The following BBX variants were observed in gnomAD, a reference collection of about 807,000 sequenced individuals.
BBX encodes the protein BBX high mobility group box domain containing.
Under a neutral mutation model 100.2 loss-of-function variants are expected in BBX, and 30 were observed. The ratio of observed to expected loss-of-function variants is 0.30; its 90% confidence interval spans 0.22 to 0.41. The LOEUF is 0.41. Among genes scored for constraint, BBX ranks in the 10% least tolerant of loss-of-function variants. BBX has a pLI of 1.00. For missense variants in BBX, 1,023 were observed against 1,129.8 expected, an observed-to-expected ratio of 0.91 and a Z score of 1.35; for synonymous variants, 376 against 388.1, an observed-to-expected ratio of 0.97 and a Z score of 0.37.
chr3:107,781,664 A>G (rs1221581115), intron 13 of BBX, among the ~76,000 whole-genome samples: 1 of 152,092 alleles, frequency 6.6e-6, no homozygotes, highest in Non-Finnish European at 1.5e-5. Context: ...GTAGAATAGT[A>G]ATTTTTCAGT....
At chr3:107,616,882 T>C (rs1489450092) in intron 2 of BBX, among the ~76,000 whole-genome samples, 1 of 152,186 alleles carries the variant, frequency 6.6e-6, no homozygotes, top group African/African-American at 2.4e-5. Context: ...GAAAAGCAAA[T>C]GTTTCAAATT....
chr3:107,626,371 T>C (rs977202947), intron 2 of BBX, among the ~76,000 whole-genome samples: 45 of 152,378 alleles, frequency 3.0e-4, no homozygotes, highest in African/African-American at 1.0e-3. Context: ...TCTGTATTAG[T>C]TATCTGTTGA....
At chr3:107,643,037 T>C (rs1489139917) in intron 2 of BBX, among the ~76,000 whole-genome samples, 6 of 152,136 alleles carry the variant, frequency 3.9e-5, no homozygotes, top group African/African-American at 1.4e-4. Context: ...GACTAGGTAG[T>C]AGTGACATCA....
chr3:107,736,421 C>T (rs936693379), intron 7 of BBX, among the ~76,000 whole-genome samples: 21 of 151,332 alleles, frequency 1.4e-4, no homozygotes, highest in African/African-American at 5.1e-4. Context: ...GTGAATATCA[C>T]CTTTTTTTTT....
intron 2 of BBX, among the ~76,000 whole-genome samples, chr3:107,565,443 T>TTTTATTTTA (rs1553727732): frequency 1.0e-4 from 14 of 136,984 alleles, no homozygotes; most frequent in African/African-American, 3.0e-4. Flanking sequence ...AATAGTTTTA[T>TTTTATTTTA]TTTATTTATT....
chr3:107,795,619 T>C (rs1215289153), intron 15 of BBX, among the ~76,000 whole-genome samples: 1 of 140,304 alleles, frequency 7.1e-6, no homozygotes, highest in Admixed American at 7.0e-5. Flanking sequence ...TAGTCTTTTT[T>C]TTTTTTTTTT....
At chr3:107,733,832 A>G (rs904709080) in intron 7 of BBX, among the ~76,000 whole-genome samples, 29 of 152,106 alleles carry the variant, frequency 1.9e-4, no homozygotes, top group African/African-American at 6.5e-4. Flanking sequence ...TGATCTAGTT[A>G]TTGGACTGCT....
chr3:107,577,245 C>T (rs538705848), intron 2 of BBX, among the ~76,000 whole-genome samples: 21 of 152,236 alleles, frequency 1.4e-4, no homozygotes, highest in East Asian at 1.2e-3. Context: ...TGAAATGGAT[C>T]GCTGATATGC....
chr3:107,714,526 T>G (rs1444129121), intron 4 of BBX, among the ~76,000 whole-genome samples: 1 of 152,222 alleles, frequency 6.6e-6, no homozygotes, highest in Non-Finnish European at 1.5e-5. Context: ...TAATTGCTTC[T>G]TCATCTTATA....
At chr3:107,540,548 C>A (rs2048795352) in intron 2 of BBX, among the ~76,000 whole-genome samples, 1 of 152,046 alleles carries the variant, frequency 6.6e-6, no homozygotes, top group Admixed American at 6.5e-5. Flanking sequence ...GAAGCAAAGC[C>A]AGTGATTCTG....
At chr3:107,725,183 G>GT (rs1290491989) in intron 5 of BBX, among the ~76,000 whole-genome samples, 2 of 152,128 alleles carry the variant, frequency 1.3e-5, no homozygotes, top group Admixed American at 6.5e-5. Context: ...GTGAAGGGGA[G>GT]TTCACTCATG....
At chr3:107,559,308 A>C (rs1030342633) in intron 2 of BBX, among the ~76,000 whole-genome samples, 5 of 152,220 alleles carry the variant, frequency 3.3e-5, no homozygotes, top group African/African-American at 1.2e-4. Flanking sequence ...TCTGGAAGCA[A>C]TCAATGTGTA....
intron 10 of BBX, among the ~76,000 whole-genome samples, chr3:107,769,123 A>G (rs1432321906): frequency 6.6e-6 from 1 of 151,668 alleles, no homozygotes; most frequent in Non-Finnish European, 1.5e-5. Flanking sequence ...AGCTATGATC[A>G]TGCCACTGCA....
At chr3:107,725,561 A>T (rs1008030687) in intron 5 of BBX, among the ~76,000 whole-genome samples, 4 of 152,108 alleles carry the variant, frequency 2.6e-5, no homozygotes, top group Non-Finnish European at 5.9e-5. Context: ...TTTTTAAAAG[A>T]TTGACAGAAT....
At chr3:107,743,900 T>A (rs2107604658) in intron 7 of BBX, among the ~76,000 whole-genome samples, 1 of 150,360 alleles carries the variant, frequency 6.7e-6, no homozygotes, top group Admixed American at 6.7e-5. Context: ...TAGGTGATTT[T>A]TCTTCTTTGT....
intron 3 of BBX, among the ~76,000 whole-genome samples, chr3:107,652,576 T>G (rs1476733895): frequency 6.6e-6 from 1 of 152,350 alleles, no homozygotes; most frequent in Non-Finnish European, 1.5e-5. Context: ...TTAAGATCAA[T>G]CTAATGATTG....
At chr3:107,607,878 T>A (rs901205037) in intron 2 of BBX, among the ~76,000 whole-genome samples, 1 of 152,188 alleles carries the variant, frequency 6.6e-6, no homozygotes, top group Non-Finnish European at 1.5e-5. Flanking sequence ...TCTAGTCAGA[T>A]CTTTTGGCCA....
chr3:107,795,178 G>A (rs1251870359), intron 15 of BBX, among the ~76,000 whole-genome samples: 2 of 152,168 alleles, frequency 1.3e-5, no homozygotes, highest in Non-Finnish European at 2.9e-5. Flanking sequence ...CTCAACTTTT[G>A]TGCTTGTTTC....
chr3:107,604,809 T>C (rs2054311270), intron 2 of BBX, among the ~76,000 whole-genome samples: 1 of 128,476 alleles, frequency 7.8e-6, no homozygotes, highest in Non-Finnish European at 1.6e-5. Context: ...GAAAACCCAG[T>C]GGATAAGTTA....
Sources: allele counts gnomAD v4.1 joint callset (sites outside exome capture counted in the v4.1 genomes callset), GRCh38; gene constraint gnomAD v4.1.1; transcripts MANE v1.5; gene names NCBI Gene and HGNC (gene_info 2026-07-23, HGNC 2026-07-21).